PPP2R2C: variants seen among roughly 807,000 people sequenced by gnomAD.
The protein encoded by PPP2R2C is protein phosphatase 2 regulatory subunit Bgamma.
A neutral mutation model predicts 45.3 loss-of-function variants in PPP2R2C; 10 were observed. That is an observed-to-expected ratio of 0.22 (90% CI 0.14 to 0.37). The LOEUF (loss-of-function observed/expected upper bound fraction) is 0.37, where lower values mean the gene tolerates loss of function less well. Among genes scored for constraint, PPP2R2C ranks in the 10% least tolerant of loss-of-function variants. The pLI is 1.00. For synonymous variants in PPP2R2C, 257 were observed against 245.4 expected (o/e 1.05, Z -0.44); for missense variants, 308 against 619.7 (o/e 0.50, Z 5.34).
chr4:6,448,864 C>A (rs1720576195), intron 1 of PPP2R2C, among the ~76,000 whole-genome samples: 1 of 152,196 alleles, frequency 6.6e-6, no homozygotes, highest in Non-Finnish European at 1.5e-5. Context: ...TCACGGAGGT[C>A]CTGCTGAACT....
chr4:6,471,807 T>G lies in PPP2R2C; in HGVS notation c.70+353A>C. 2 of 254,018 alleles carry G rather than the reference T, an allele frequency of 7.9e-6. No individual in the cohort carries two copies. The highest frequency in any genetic ancestry group is 7.6e-5 in the East Asian group (1 of 13,210). The allele number at this position is 254,018 out of a possible 1,614,324, so 15.7% of individuals were successfully genotyped here. On this transcript the variant is annotated intron_variant, in intron 1 of 8. Transcript: ENST00000382599. The surrounding 1 kb of genome is among the most constrained non-coding windows in gnomAD (Gnocchi z 5.6). ...TTTAAACCATTAAATTTCCCCGAGA[T>G]TTCTTCACCAGATTAGCCACAGCCG...
In PPP2R2C at chr4:6,378,942, A is replaced by G. The variant is rs370426721; in HGVS notation, c.169-370T>C. Reference sequence around the variant, plus strand: ...CTCTCCCCATTTCACAGACCAGCAAACAGAGACTCAGAGGGGAAGTGACTT... The same window carrying G: ...CTCTCCCCATTTCACAGACCAGCAAGCAGAGACTCAGAGGGGAAGTGACTT... On this transcript the variant is annotated intron_variant, in intron 2 of 8. Transcript: ENST00000382599. This position sits in a 1 kb window ranked among gnomAD's most constrained non-coding sequence, Gnocchi z 5.2. Among the ~76,000 whole-genome samples, 1 of 151,256 alleles carries G rather than the reference A, an allele frequency of 6.6e-6. No individual in the cohort carries two copies. Among genetic ancestry groups the G allele is most frequent in the East Asian group, 2.0e-4 (1 of 5,080 alleles).
intron 1 of PPP2R2C, among the ~76,000 whole-genome samples, chr4:6,429,681 A>G (rs1719514466): frequency 6.6e-6 from 1 of 152,180 alleles, no homozygotes; most frequent in Non-Finnish European, 1.5e-5. Flanking sequence ...ATGAAAAGCC[A>G]ATTTTATGAC....
chr4:6,406,963 G>A lies in PPP2R2C; in HGVS notation c.71-25869C>T, dbSNP rs181822554. ...GTGGCTTTATAAGAGACACACAGAG[G>A]AGAAGACATGGGGGAAAGAGGAGGA... is the stretch of plus-strand genomic sequence containing the variant. On this transcript the variant is annotated intron_variant, in intron 1 of 8. Transcript: ENST00000382599. 3.3e-5 allele frequency among the ~76,000 whole-genome samples: 5 copies of A among 152,250 alleles called. No homozygotes were observed. The East Asian group carries it at 7.7e-4, about 24-fold the overall frequency.
At chr4:6,504,094 GC>G (rs1286367851) in intron 2 of PPP2R2C, among the ~76,000 whole-genome samples, 1 of 152,192 alleles carries the variant, frequency 6.6e-6, no homozygotes, top group Non-Finnish European at 1.5e-5. Context: ...CATCTTAGTG[GC>G]CTTAAGAAGT....
rs1007101637 is a variant in PPP2R2C, at chr4:6,410,853, A to C, written c.71-29759T>G. On this transcript the variant is annotated intron_variant, in intron 1 of 8. Coordinates refer to ENST00000382599, the MANE Select transcript of PPP2R2C (RefSeq NM_020416.4). ...ACTATTCCCCCTGTTTTATTTATTT[A>C]TTTATTTATTTATTTATTTATTTAT... Among the ~76,000 whole-genome samples the C allele has an allele frequency of 1.6e-3, 229 of 140,838 alleles. 1 individual carries two copies. The highest frequency in any genetic ancestry group is 6.3e-3 in the African/African-American group (208 of 33,208). 92.4% of individuals were successfully genotyped at this position (140,838 alleles called of 152,430 possible).
intron 1 of PPP2R2C, among the ~76,000 whole-genome samples, chr4:6,552,722 C>A (rs1577254982): frequency 6.6e-6 from 1 of 152,184 alleles, no homozygotes; most frequent in South Asian, 2.1e-4. Context: ...TGTAAGGTAA[C>A]AAATTCACAG....
At chr4:6,476,076 C>T (rs1167173922), upstream of PPP2R2C, among the ~76,000 whole-genome samples, 4 of 152,254 alleles carry the variant, frequency 2.6e-5, no homozygotes, top group Non-Finnish European at 4.4e-5. Flanking sequence ...TGATGTTGGA[C>T]TTTCCAGCCT....
chr4:6,547,486 CGGGATGCACT>C (rs1289929322), intron 1 of PPP2R2C, among the ~76,000 whole-genome samples: 1 of 152,076 alleles, frequency 6.6e-6, no homozygotes, highest in East Asian at 1.9e-4. Context: ...TGCCTTCTGG[CGGGATGCACT>C]GGGAAGCCCA....
At chr4:6,349,749 T>A (rs1712362066) in intron 5 of PPP2R2C, 3 of 661,902 alleles carry the variant, frequency 4.5e-6, no homozygotes, top group Non-Finnish European at 5.6e-6. Context: ...TAAAAAAAAA[T>A]TAGTAGTGGC....
At chr4:6,397,766 C>CTAAGGATTAAATAAG (rs1717142294) in intron 1 of PPP2R2C, among the ~76,000 whole-genome samples, 2 of 152,218 alleles carry the variant, frequency 1.3e-5, no homozygotes, top group Non-Finnish European at 2.9e-5. Context: ...AATATTCACA[C>CTAAGGATTAAATAAG]CTGCTTCAGA....
At chr4:6,520,157 C>T (rs11722804) in intron 2 of PPP2R2C, among the ~76,000 whole-genome samples, 15,261 of 151,900 alleles carry the variant, frequency 0.1, 903 homozygotes, top group Non-Finnish European at 0.12. Context: ...TGAAGGGGTA[C>T]GCTGGGGAGT....
intron 1 of PPP2R2C, among the ~76,000 whole-genome samples, chr4:6,463,226 C>G (rs1041925765): frequency 2.0e-5 from 3 of 152,254 alleles, no homozygotes; most frequent in African/African-American, 7.2e-5. Context: ...TCTCTCTCTG[C>G]TTCATAGATG....
intron 2 of PPP2R2C, among the ~76,000 whole-genome samples, chr4:6,489,741 C>G (rs1722636836): frequency 6.6e-6 from 1 of 152,206 alleles, no homozygotes. Flanking sequence ...CAGTCCACTA[C>G]TCAACAAGTG....
At chr4:6,543,697 A>T (rs1276319303) in intron 1 of PPP2R2C, among the ~76,000 whole-genome samples, 1 of 152,204 alleles carries the variant, frequency 6.6e-6, no homozygotes, top group Admixed American at 6.5e-5. Flanking sequence ...CCAGCTTGTC[A>T]CATAAAGCGT....
At chr4:6,559,228 C>T (rs1027855566) in intron 1 of PPP2R2C, among the ~76,000 whole-genome samples, 1 of 152,214 alleles carries the variant, frequency 6.6e-6, no homozygotes, top group African/African-American at 2.4e-5. Context: ...TGGAGCACAT[C>T]ACTGGCACCT....
intron 2 of PPP2R2C, among the ~76,000 whole-genome samples, chr4:6,379,537 A>T (rs1472340659): frequency 3.3e-5 from 5 of 152,232 alleles, no homozygotes; most frequent in Non-Finnish European, 1.5e-5. Flanking sequence ...GTGGGACTAG[A>T]AGGAAGAAAA....
rs112146716 is a variant in PPP2R2C at position 6,335,729 on chromosome 4, G to A, written c.791-1998C>T. Among the ~76,000 whole-genome samples the A allele has an allele frequency of 1.5e-3, 233 of 152,166 alleles. 1 individual carries two copies. Among genetic ancestry groups the A allele is most frequent in the African/African-American group, 5.3e-3 (221 of 41,524 alleles). ...TCCTGATCCCAGGCCACTGCATGCA[G>A]GGAGGTGAGGGGAGGTGAGAGGAGG... On this transcript the variant is annotated intron_variant, in intron 6 of 8. Transcript: ENST00000382599.
chr4:6,539,390 G>A (rs75206932), intron 1 of PPP2R2C, among the ~76,000 whole-genome samples: 3,039 of 152,264 alleles, frequency 0.02, 88 homozygotes, highest in African/African-American at 0.069. Context: ...GGGACAATAC[G>A]TTTCTGTTGT....
Sources: allele counts gnomAD v4.1 joint callset (sites outside exome capture counted in the v4.1 genomes callset), GRCh38; gene constraint gnomAD v4.1.1; non-coding constraint Gnocchi (gnomAD v3.1); transcripts MANE v1.5; gene names NCBI Gene and HGNC (gene_info 2026-07-23, HGNC 2026-07-21).